Variants in CLN5 observed in about 807,000 individuals in gnomAD.
CLN5 encodes CLN5 lysosomal BMP synthase.
A neutral mutation model predicts 36.7 loss-of-function variants in CLN5; 34 were observed. The observed-to-expected ratio is 0.93, with a 90% CI of 0.71 to 1.23. The LOEUF (loss-of-function observed/expected upper bound fraction) is 1.23, where lower values mean the gene tolerates loss of function less well. Ranked by LOEUF, CLN5 falls within the 50% of genes most tolerant of loss-of-function variation. CLN5 has a pLI of 0.00. For synonymous variants in CLN5, 151 were observed against 155.1 expected, an observed-to-expected ratio of 0.97 and a Z score of 0.20; for missense variants, 427 against 439.4, an observed-to-expected ratio of 0.97 and a Z score of 0.25.
In CLN5 at chr13:77,002,420, G is replaced by A. The variant is rs1295730804; in HGVS notation, c.*1451G>A. On this transcript the variant is annotated 3_prime_UTR_variant, in exon 4 of 4. Transcript: ENST00000377453. ...TGCCAACCAGATGTTACTGGTCTGT[G>A]AGGAAATAAGTACAGATACTGACAG... 6.6e-6 allele frequency: 1 copy of A among 152,214 alleles called. No homozygotes were observed. The highest frequency in any genetic ancestry group is 1.5e-5 in the Non-Finnish European group (1 of 68,040). 9.4% of individuals were successfully genotyped at this position (152,214 alleles called of 1,614,324 possible).
At chr13:76,992,716 A>C in intron 1 of CLN5, 1 of 185,096 alleles carries the variant, frequency 5.4e-6, no homozygotes, top group South Asian at 1.1e-4. Context: ...GAACCTGATC[A>C]GAACCTGATC....
chr13:76,992,811 C>T (rs1297683513), intron 1 of CLN5: 1 of 153,920 alleles, frequency 6.5e-6, no homozygotes, highest in African/African-American at 2.4e-5. Context: ...CTGGTTAGAC[C>T]GGGAAGATTG....
At position 77,004,270 on chromosome 13, in the gene CLN5, T is replaced by C. The variant is rs1050593450; in HGVS notation, c.*3301T>C. 1.3e-5 allele frequency: 2 copies of C among 152,192 alleles called. No homozygotes were observed. The highest frequency in any genetic ancestry group is 2.1e-4 in the South Asian group (1 of 4,830). The allele number at this position is 152,192 out of a possible 1,614,324, so 9.4% of individuals were successfully genotyped here. On this transcript the variant is annotated 3_prime_UTR_variant, in exon 4 of 4. Coordinates refer to ENST00000377453, the MANE Select transcript of CLN5 (RefSeq NM_006493.4). The stretch of plus-strand genomic sequence containing the variant: ...CCTGTAAGATGTTTTATTTTTTAAA[T>C]AGTTGGCAGGCTATACAAAGAGTGA...
Position 76,995,851 on chromosome 13 carries a change from G to T in CLN5, c.340-51G>T. The T allele has an allele frequency of 1.4e-6, 2 of 1,399,696 alleles. 1 individual carries two copies. Among genetic ancestry groups the T allele is most frequent in the Non-Finnish European group, 2.0e-6 (2 of 984,948 alleles). 86.7% of individuals were successfully genotyped at this position (1,399,696 alleles called of 1,614,324 possible). A position where few individuals can be genotyped will look rare whatever the true frequency, so the allele number is the denominator to read the frequency against. ...ACATTTTCTCCTATCAGGTTACCTG[G>T]ACCCATGGTTGTGTCACAGTTGCTT... On this transcript the variant is annotated intron_variant, in intron 2 of 3. Coordinates refer to ENST00000377453, the MANE Select transcript of CLN5 (RefSeq NM_006493.4).
At position 77,002,256 on chromosome 13, in the gene CLN5, T is replaced by G. The variant is rs922885553; in HGVS notation, c.*1287T>G. Reference sequence around the variant, plus strand: ...TGATCCAAATGAGTAAAGTGGACCTTAGAAAGGCTAAGTGATCTTTCTCTG... The same window carrying G: ...TGATCCAAATGAGTAAAGTGGACCTGAGAAAGGCTAAGTGATCTTTCTCTG... On this transcript the variant is annotated 3_prime_UTR_variant, in exon 4 of 4. Transcript: ENST00000377453. The G allele has an allele frequency of 6.6e-6, 1 of 152,242 alleles. No homozygotes were observed. The highest frequency in any genetic ancestry group is 1.5e-5 in the Non-Finnish European group (1 of 68,030). The allele number at this position is 152,242 out of a possible 1,614,324, so 9.4% of individuals were successfully genotyped here. A position where few individuals can be genotyped will look rare whatever the true frequency, so the allele number is the denominator to read the frequency against.
rs1466191088 is a variant in CLN5, at chr13:77,004,394, C to G, written c.*3425C>G. ...TTCGTCATATTTACCCTTTATTATC[C>G]AAGTGGTTTCCTGCTCTTCAAACCT... On this transcript the variant is annotated 3_prime_UTR_variant, in exon 4 of 4. Transcript: ENST00000377453. The G allele has an allele frequency of 6.6e-6, 1 of 152,174 alleles. No individual in the cohort carries two copies. Among genetic ancestry groups the G allele is most frequent in the African/African-American group, 2.4e-5 (1 of 41,428 alleles). 9.4% of individuals were successfully genotyped at this position (152,174 alleles called of 1,614,324 possible).
Position 77,000,709 on chromosome 13 carries a change from A to T in CLN5, c.817A>T (p.Thr273Ser), listed in dbSNP as rs1214896967. 2.5e-6 allele frequency: 4 copies of T among 1,613,978 alleles called. No homozygotes were observed. Among genetic ancestry groups the T allele is most frequent in the Non-Finnish European group, 3.4e-6 (4 of 1,179,834 alleles). ...AGAACCTACTTATCTGGGAAATGAA[A>T]CATCTGTTTTTGGGCCAACAGGAAA... ...SGEPTYLGNE[T>S]SVFGPTGNKT... The change falls in exon 4 of 4, where the codon ACA becomes TCA. Residue 273 changes from threonine (T) to serine (S), a missense_variant. By Grantham distance (58) the Thr-to-Ser change is moderately conservative. Transcript: ENST00000377453.
chr13:76,996,971 T>A (rs917763821), intron 3 of CLN5: 26 of 152,174 alleles, frequency 1.7e-4, no homozygotes, highest in African/African-American at 4.8e-4. Flanking sequence ...TATTTTTTTT[T>A]ATTTTTTGAT....
chr13:76,993,460 C>CA (rs1290616803), intron 1 of CLN5: 1 of 152,008 alleles, frequency 6.6e-6, no homozygotes, highest in Non-Finnish European at 1.5e-5. Context: ...TGTAAGAAGT[C>CA]AAAATTACTC....
rs781182241 is a variant in CLN5, at chr13:76,992,283, G to T, written c.173+12G>T. ...CCGGTGCCCTACAAGTGAGTGCGGC[G>T]GCGCGCGCACTGTCGGGGTTGGGGT... On this transcript the variant is annotated intron_variant, in intron 1 of 3. Transcript: ENST00000377453. 5.2e-6 allele frequency: 8 copies of T among 1,551,358 alleles called. No homozygotes were observed. The Admixed American group carries it at 1.3e-4, about 26-fold the overall frequency.
rs2034243016 is a variant in CLN5, at chr13:76,995,128, G to A, written c.239G>A (p.Gly80Asp). ...GCTAAGTATACTTTCTGTCCAACTG[G>A]CTCACCTATCCCAGTTATGGAGGGT... is the stretch of plus-strand genomic sequence containing the variant. ...CQAKYTFCPT[G>D]SPIPVMEGDD... is the part of the protein sequence containing the mutation. Residue 80 changes from glycine to aspartate, a missense_variant, in exon 2 of 4, where the codon GGC (glycine) becomes GAC (aspartate). Physicochemically the swap from Gly to Asp is moderately conservative, Grantham distance 94 (BLOSUM62 -1). Transcript: ENST00000377453. 1 of 1,613,906 alleles carries A rather than the reference G, an allele frequency of 6.2e-7. No homozygotes were observed. The highest frequency in any genetic ancestry group is 1.3e-5 in the African/African-American group (1 of 74,896).
chr13:76,996,764 A>G (rs1433023907), intron 3 of CLN5: 1 of 152,912 alleles, frequency 6.5e-6, no homozygotes, highest in Non-Finnish European at 1.5e-5. Flanking sequence ...ATAAACATGC[A>G]TGGGAAAGTA....
chr13:77,001,206 T>C lies in CLN5; in HGVS notation c.*237T>C. 2.5e-6 allele frequency: 1 copy of C among 404,916 alleles called. No individual in the cohort carries two copies. Among genetic ancestry groups the C allele is most frequent in the Non-Finnish European group, 4.5e-6 (1 of 224,438 alleles). The allele number at this position is 404,916 out of a possible 1,614,324, so 25.1% of individuals were successfully genotyped here. A position where few individuals can be genotyped will look rare whatever the true frequency, so the allele number is the denominator to read the frequency against. The stretch of plus-strand genomic sequence containing the variant: ...TGATCTTGGTTTCAATTTCCGAGCC[T>C]TTGTTAATATGGAGAATTATGGTTC... On this transcript the variant is annotated 3_prime_UTR_variant, in exon 4 of 4. Transcript: ENST00000377453.
chr13:76,993,896 C>T (rs2034221185), intron 1 of CLN5: 1 of 152,078 alleles, frequency 6.6e-6, no homozygotes, highest in Non-Finnish European at 1.5e-5. Context: ...CTGTTGTCGC[C>T]ACCACTTCTT....
chr13:76,997,714 C>G (rs2034292462), intron 3 of CLN5: 1 of 152,198 alleles, frequency 6.6e-6, no homozygotes, highest in Non-Finnish European at 1.5e-5. Context: ...AGAACTTCAC[C>G]TGTTGGTGAT....
chr13:77,001,138 A>C lies in CLN5; in HGVS notation c.*169A>C, dbSNP rs766803292. 3.4e-6 allele frequency: 2 copies of C among 591,098 alleles called. No individual in the cohort carries two copies. The highest frequency in any genetic ancestry group is 1.9e-5 in the African/African-American group (1 of 53,540). 36.6% of individuals were successfully genotyped at this position (591,098 alleles called of 1,614,324 possible). On this transcript the variant is annotated 3_prime_UTR_variant, in exon 4 of 4. Coordinates refer to ENST00000377453, the MANE Select transcript of CLN5 (RefSeq NM_006493.4). ...ATCTCAGGACTCTTCTCTTGTAAAG[A>C]AGCTGAAATTCGTACTATATTGGCC...
chr13:76,996,148 A>C lies in CLN5; in HGVS notation c.565+21A>C, dbSNP rs1462290608. ...ATCAGGTAAGTTGTGAAAATATAGC[A>C]ATATTTGATCATTGCATCAAAAACC... On this transcript the variant is annotated intron_variant, in intron 3 of 3. Coordinates refer to ENST00000377453, the MANE Select transcript of CLN5 (RefSeq NM_006493.4). 3 of 1,559,060 alleles carry C rather than the reference A, an allele frequency of 1.9e-6. No individual in the cohort carries two copies. The South Asian group carries it at 3.3e-5, about 17-fold the overall frequency.
Position 76,995,439 on chromosome 13 carries a change from T to G in CLN5, c.339+211T>G. On this transcript the variant is annotated intron_variant, in intron 2 of 3. Transcript: ENST00000377453. The stretch of plus-strand genomic sequence containing the variant: ...GTAATCACCATTATCCATTGTAATA[T>G]TATGAATCTGAAACCAGCTCCTGTA... 3 of 585,278 alleles carry G rather than the reference T, an allele frequency of 5.1e-6. 1 individual carries two copies. The highest frequency in any genetic ancestry group is 3.9e-5 in the South Asian group (2 of 50,860). The allele number at this position is 585,278 out of a possible 1,614,324, so 36.3% of individuals were successfully genotyped here. A position where few individuals can be genotyped will look rare whatever the true frequency, so the allele number is the denominator to read the frequency against.
At chr13:76,995,352 C>A in intron 2 of CLN5, 124 bp downstream of exon 2, 1 of 886,850 alleles carries the variant, frequency 1.1e-6, no homozygotes. Context: ...TGTCTTAGTA[C>A]ATTTAAAATG....
Sources: allele counts gnomAD v4.1 joint callset, GRCh38; gene constraint gnomAD v4.1.1; transcripts MANE v1.5; gene names NCBI Gene and HGNC (gene_info 2026-07-23, HGNC 2026-07-21).